Variants in ZFHX3 observed in about 807,000 individuals in gnomAD.
The protein encoded by ZFHX3 is zinc finger homeobox 3, also known as zinc finger homeobox protein 3.
Under a neutral mutation model 279.1 loss-of-function variants are expected in ZFHX3, and 42 were observed. The ratio of observed to expected loss-of-function variants is 0.15; its 90% CI spans 0.12 to 0.19. The LOEUF (loss-of-function observed/expected upper bound fraction) is 0.19, where lower values mean the gene tolerates loss of function less well. Ranked by LOEUF, ZFHX3 falls within the 10% of genes least tolerant of loss-of-function variation. ZFHX3 has a pLI of 1.00. For synonymous variants in ZFHX3, 2,293 were observed against 1,957.8 expected (o/e 1.17, Z -4.52); for missense variants, 4,981 against 4,754.0 (o/e 1.05, Z -1.40).
chr16:73,860,320 T>A (rs1961847880), intron 1 of ZFHX3, among the ~76,000 whole-genome samples: 1 of 152,092 alleles, frequency 6.6e-6, no homozygotes, highest in African/African-American at 2.4e-5. Flanking sequence ...TCTCTGTGCT[T>A]CATAATTTCT....
intron 1 of ZFHX3, among the ~76,000 whole-genome samples, chr16:73,854,248 G>A (rs1268561826): frequency 6.6e-6 from 1 of 152,130 alleles, no homozygotes; most frequent in Admixed American, 6.5e-5. Context: ...CACATCGGCT[G>A]GGCACAGTGG....
chr16:73,587,605 C>T (rs536442389), intron 2 of ZFHX3, among the ~76,000 whole-genome samples: 3 of 152,182 alleles, frequency 2.0e-5, no homozygotes, highest in Non-Finnish European at 4.4e-5. Context: ...AATTGGGCTA[C>T]GACATGTGTC....
At chr16:73,233,198 G>A (rs945019759) in intron 5 of ZFHX3, 1 of 151,366 alleles carries the variant, frequency 6.6e-6, no homozygotes, top group Admixed American at 6.6e-5. Context: ...GACGGGAATT[G>A]CTCGATGTTC....
At chr16:73,296,954 C>T (rs1597269216) in intron 4 of ZFHX3, among the ~76,000 whole-genome samples, 1 of 141,768 alleles carries the variant, frequency 7.1e-6, no homozygotes, top group Non-Finnish European at 1.5e-5. Context: ...TCTCGGCTCA[C>T]TGCAACTCTG....
intron 1 of ZFHX3, among the ~76,000 whole-genome samples, chr16:73,001,731 G>C (rs2144597600): frequency 6.6e-6 from 1 of 151,974 alleles, no homozygotes; most frequent in South Asian, 2.1e-4. Context: ...GAGGTGGAAG[G>C]ATGCCTTGAG....
intron 2 of ZFHX3, among the ~76,000 whole-genome samples, chr16:73,484,366 C>T (rs1035464059): frequency 3.9e-5 from 6 of 152,164 alleles, no homozygotes; most frequent in African/African-American, 1.4e-4. Flanking sequence ...CTTGAAAAAC[C>T]TCCAGTCATG....
Position 73,147,148 on chromosome 16 carries a change from G to A in ZFHX3, c.-1103-3317C>T, listed in dbSNP as rs117571073. ...TTTGGCCATGCCAATATGGTATGAT[G>A]GCATATGGGGAGACGTTGGCATGAC... On this transcript the variant is annotated intron_variant, in intron 5 of 17. Coordinates refer to the ZFHX3 transcript ENST00000641206. 3.2e-3 allele frequency among the ~76,000 whole-genome samples: 485 copies of A among 152,302 alleles called. 1 individual carries two copies. Among genetic ancestry groups the A allele is most frequent in the Non-Finnish European group, 5.2e-3 (353 of 68,030 alleles).
At chr16:73,238,070 C>T (rs543333256) in intron 5 of ZFHX3, among the ~76,000 whole-genome samples, 11 of 152,290 alleles carry the variant, frequency 7.2e-5, no homozygotes, top group East Asian at 5.8e-4. Flanking sequence ...CACTCCCTCT[C>T]GCAAGACGTC....
chr16:73,511,276 T>C (rs1168782385), intron 2 of ZFHX3, among the ~76,000 whole-genome samples: 1 of 152,196 alleles, frequency 6.6e-6, no homozygotes. Context: ...GCACTGGCCT[T>C]CCTCTGTTCT....
chr16:72,889,733 G>C lies in ZFHX3; in HGVS notation c.3446C>G (p.Pro1149Arg), dbSNP rs1349987368. The C allele has an allele frequency of 6.2e-7, 1 of 1,612,058 alleles. No individual in the cohort carries two copies. The highest frequency in any genetic ancestry group is 1.3e-5 in the African/African-American group (1 of 74,986). The change falls in exon 4 of 10, where the codon CCA becomes CGA. Residue 1149 changes from proline (P) to arginine (R), a missense_variant and splice_region_variant. Pro to Arg is a moderately radical substitution (Grantham distance 103). Transcript: ENST00000268489. ...FTIRRCPSTD[P>R]EEAIEDVEGP... ...CCCATGCCTGTGAGACCACTCACCT[G>C]GGTCCGTGGAGGGGCACCTGCGGAT...
chr16:73,772,185 C>A, intron 1 of ZFHX3, among the ~76,000 whole-genome samples: 1 of 152,182 alleles, frequency 6.6e-6, no homozygotes, highest in East Asian at 1.9e-4. Context: ...GCTGTGTGTA[C>A]TAGTCTGTTT....
rs573464341 is a variant in ZFHX3 at position 72,870,997 on chromosome 16, T to C, written c.3448+18734A>G. ...GAAATCCTTCCCAAAAAAATGGCAA[T>C]GTGTATATTTCTATTTATTCTCCGT... is the stretch of plus-strand genomic sequence containing the variant. On this transcript the variant is annotated intron_variant, in intron 4 of 9. Coordinates refer to ENST00000268489, the MANE Select transcript of ZFHX3 (RefSeq NM_006885.4). 3.9e-5 allele frequency among the ~76,000 whole-genome samples: 6 copies of C among 152,242 alleles called. No individual in the cohort carries two copies. In the South Asian group the frequency reaches 1.2e-3, roughly 32 times the overall value.
intron 3 of ZFHX3, among the ~76,000 whole-genome samples, chr16:73,438,969 G>A (rs781059800): frequency 2.6e-5 from 4 of 152,196 alleles, no homozygotes; most frequent in South Asian, 2.1e-4. Context: ...CACTGAGAGT[G>A]CAAACCTGTG....
intron 1 of ZFHX3, among the ~76,000 whole-genome samples, chr16:73,680,473 T>G (rs2052998718): frequency 6.6e-6 from 1 of 152,218 alleles, no homozygotes; most frequent in Non-Finnish European, 1.5e-5. Flanking sequence ...AGAAAGCCTG[T>G]GCTCTCCCCT....
chr16:73,271,490 T>C (rs2014144240), intron 4 of ZFHX3, among the ~76,000 whole-genome samples: 1 of 152,180 alleles, frequency 6.6e-6, no homozygotes, highest in Admixed American at 6.5e-5. Flanking sequence ...GAGTCCACAC[T>C]GCAGCCCCGC....
chr16:72,879,449 G>A (rs776415720), intron 4 of ZFHX3, among the ~76,000 whole-genome samples: 14 of 152,076 alleles, frequency 9.2e-5, no homozygotes, highest in Admixed American at 2.6e-4. Context: ...CTTTTGAGAC[G>A]GAGTCTCGCT....
At chr16:73,774,606 T>C (rs2054056488) in intron 1 of ZFHX3, among the ~76,000 whole-genome samples, 1 of 152,196 alleles carries the variant, frequency 6.6e-6, no homozygotes, top group Non-Finnish European at 1.5e-5. Flanking sequence ...CCAAAGATGG[T>C]GCCATTTGTA....
At chr16:73,559,787 G>C (rs142261723) in intron 2 of ZFHX3, among the ~76,000 whole-genome samples, 252 of 152,256 alleles carry the variant, frequency 1.7e-3, no homozygotes, top group African/African-American at 5.7e-3. Flanking sequence ...TCCCTGGTAA[G>C]GGAGGTAGGG....
At chr16:73,060,076 C>T (rs1194355905), upstream of ZFHX3, among the ~76,000 whole-genome samples, 1 of 151,962 alleles carries the variant, frequency 6.6e-6, no homozygotes, top group Non-Finnish European at 1.5e-5. Flanking sequence ...ACACAGGAAG[C>T]TATTTTGCCA....
Sources: allele counts gnomAD v4.1 joint callset (sites outside exome capture counted in the v4.1 genomes callset), GRCh38; gene constraint gnomAD v4.1.1; transcripts MANE v1.5; gene names NCBI Gene and HGNC (gene_info 2026-07-23, HGNC 2026-07-21).